Variants in PARD3 observed in about 807,000 individuals in gnomAD.
PARD3 encodes the protein partitioning defective 3 homolog.
A neutral mutation model predicts 155.4 loss-of-function variants in PARD3; 75 were observed. The observed-to-expected ratio is 0.48, with a 90% confidence interval of 0.40 to 0.58. The LOEUF (loss-of-function observed/expected upper bound fraction) is 0.58. PARD3 is among the 20% of genes least tolerant of loss of function. The pLI, the probability that PARD3 is intolerant of heterozygous loss-of-function variation, is 0.00. For missense variants in PARD3, 1,642 were observed against 1,721.7 expected (o/e 0.95, Z 0.82); for synonymous variants, 576 against 610.5 (o/e 0.94, Z 0.83).
chr10:34,762,292 G>GAGAGAC (rs780683759), intron 1 of PARD3, among the ~76,000 whole-genome samples: 45 of 75,836 alleles, frequency 5.9e-4, no homozygotes, highest in Non-Finnish European at 1.2e-3. Context: ...CAGAGAGACA[G>GAGAGAC]AGAGAGAGAG....
At chr10:34,305,586 C>T (rs1957365759) in intron 20 of PARD3, among the ~76,000 whole-genome samples, 1 of 152,244 alleles carries the variant, frequency 6.6e-6, no homozygotes, top group African/African-American at 2.4e-5. Flanking sequence ...TATCACCACT[C>T]AACTATACAA....
intron 2 of PARD3, among the ~76,000 whole-genome samples, chr10:34,679,683 T>C (rs1343391828): frequency 2.6e-5 from 4 of 152,166 alleles, no homozygotes; most frequent in Non-Finnish European, 4.4e-5. Flanking sequence ...GGTGTTTTTA[T>C]ACCCTTTCAA....
At chr10:34,523,146 A>T (rs998399996) in intron 2 of PARD3, among the ~76,000 whole-genome samples, 1 of 152,206 alleles carries the variant, frequency 6.6e-6, no homozygotes, top group African/African-American at 2.4e-5. Flanking sequence ...CTCAGTCTTA[A>T]ACAGAGGGCT....
intron 2 of PARD3, among the ~76,000 whole-genome samples, chr10:34,680,912 C>T (rs1319161269): frequency 6.6e-6 from 1 of 150,414 alleles, no homozygotes; most frequent in African/African-American, 2.5e-5. Context: ...TGCAGCACAC[C>T]AGCATGGCAC....
chr10:34,552,565 T>C (rs925315668), intron 2 of PARD3, among the ~76,000 whole-genome samples: 1 of 152,000 alleles, frequency 6.6e-6, no homozygotes, highest in Non-Finnish European at 1.5e-5. Context: ...AAAAGAAAAA[T>C]TAGCCAGGCA....
At chr10:34,370,616 C>A (rs1380446716) in intron 12 of PARD3, among the ~76,000 whole-genome samples, 1 of 152,082 alleles carries the variant, frequency 6.6e-6, no homozygotes, top group African/African-American at 2.4e-5. Flanking sequence ...CTTAAAGCAT[C>A]ATTTTCCATC....
intron 2 of PARD3, among the ~76,000 whole-genome samples, chr10:34,535,586 A>C (rs1410780486): frequency 1.3e-5 from 2 of 152,138 alleles, no homozygotes; most frequent in African/African-American, 4.8e-5. Flanking sequence ...TCCCAGGCTC[A>C]AGTGATTCTC....
chr10:34,282,916 A>T (rs543964711), intron 21 of PARD3, among the ~76,000 whole-genome samples: 16 of 152,288 alleles, frequency 1.1e-4, no homozygotes, highest in African/African-American at 3.6e-4. Context: ...CCTACAAAGC[A>T]AGGTGAAATG....
chr10:34,327,515 AC>A (rs1344763786), intron 19 of PARD3, among the ~76,000 whole-genome samples: 1 of 152,140 alleles, frequency 6.6e-6, no homozygotes, highest in African/African-American at 2.4e-5. Flanking sequence ...GAGGGGCTCG[AC>A]CCAACTGACA....
chr10:34,681,919 G>A (rs1224288756), intron 2 of PARD3, among the ~76,000 whole-genome samples: 2 of 148,628 alleles, frequency 1.3e-5, no homozygotes, highest in Non-Finnish European at 3.0e-5. Context: ...CCAGCACCCC[G>A]CCAACATTTT....
In PARD3 at chr10:34,111,433, G is replaced by T; in HGVS notation, c.3798C>A (p.Tyr1266Ter). 6.2e-7 allele frequency: 1 copy of T among 1,614,194 alleles called. No individual in the cohort carries two copies. The highest frequency in any genetic ancestry group is 8.5e-7 in the Non-Finnish European group (1 of 1,180,038). Reference sequence around the variant, plus strand: ...TGGCGTTGAAGCCATGTCCTCCCAGGTAGCCGTTCCTGGAGCCTTGGTAGC... The same window carrying T: ...TGGCGTTGAAGCCATGTCCTCCCAGTTAGCCGTTCCTGGAGCCTTGGTAGC... ...YSSYQGSRNG[Y>*]LGGHGFNARV... Residue 1266 changes from tyrosine to a stop codon, truncating the protein, a stop_gained, in exon 25 of 25, where the codon TAC becomes TAA. Transcript: ENST00000374788. LOFTEE classifies it high-confidence loss of function.
At chr10:34,254,509 GGTGA>G (rs1472657072) in intron 22 of PARD3, among the ~76,000 whole-genome samples, 1 of 151,542 alleles carries the variant, frequency 6.6e-6, no homozygotes, top group African/African-American at 2.4e-5. Context: ...AGTGATGAAA[GGTGA>G]GTATTAACAT....
chr10:34,236,703 A>C (rs1410961804), intron 22 of PARD3, among the ~76,000 whole-genome samples: 1 of 152,118 alleles, frequency 6.6e-6, no homozygotes, highest in East Asian at 1.9e-4. Context: ...AATCTCTTAA[A>C]CCAATGTGAA....
chr10:34,350,045 T>C (rs1837873428), intron 14 of PARD3, among the ~76,000 whole-genome samples: 1 of 152,228 alleles, frequency 6.6e-6, no homozygotes, highest in African/African-American at 2.4e-5. Flanking sequence ...CATATTTAAT[T>C]TGCATCTCAA....
chr10:34,754,737 G>A (rs1590961760), intron 1 of PARD3, among the ~76,000 whole-genome samples: 2 of 152,320 alleles, frequency 1.3e-5, no homozygotes, highest in Admixed American at 6.5e-5. Context: ...TTCAGACTGC[G>A]TTGGATTACA....
intron 2 of PARD3, among the ~76,000 whole-genome samples, chr10:34,592,961 C>T (rs1038204999): frequency 3.9e-5 from 6 of 152,134 alleles, no homozygotes; most frequent in African/African-American, 1.4e-4. Context: ...TGCATGCCTA[C>T]CTGGGCCAGA....
chr10:34,438,434 C>T (rs992577001), intron 5 of PARD3, among the ~76,000 whole-genome samples: 1 of 152,106 alleles, frequency 6.6e-6, no homozygotes, highest in Non-Finnish European at 1.5e-5. Context: ...ATGTCTTCAT[C>T]AAGTTTTCAT....
intron 20 of PARD3, among the ~76,000 whole-genome samples, chr10:34,311,743 A>AC (rs143247648): frequency 0.078 from 11,790 of 151,368 alleles, 1,397 homozygotes; most frequent in African/African-American, 0.26. Flanking sequence ...CTACACCACC[A>AC]CCCCCCTGCC....
chr10:34,573,730 AACAAAAAC>A lies in PARD3; in HGVS notation c.223-56579_223-56572del, dbSNP rs1358729796. Among the ~76,000 whole-genome samples, 111 of 36,340 alleles carry A rather than the reference AACAAAAAC, an allele frequency of 3.1e-3. 1 individual carries two copies. Among genetic ancestry groups the A allele is most frequent in the Admixed American group, 9.4e-3 (30 of 3,178 alleles). 23.8% of individuals were successfully genotyped at this position (36,340 alleles called of 152,430 possible). A position where few individuals can be genotyped will look rare whatever the true frequency, so the allele number is the denominator to read the frequency against. On this transcript the variant is annotated intron_variant, in intron 2 of 24. Coordinates refer to ENST00000374788, the MANE Select transcript of PARD3 (RefSeq NM_001184785.2). Reference sequence around the variant, plus strand: ...TCAAAAACAAACAAACAAACAAACAAACAAAAACACACACACACACACACACACACACA... The same window carrying A: ...TCAAAAACAAACAAACAAACAAACAAACACACACACACACACACACACACA...
Sources: allele counts gnomAD v4.1 joint callset (sites outside exome capture counted in the v4.1 genomes callset), GRCh38; gene constraint gnomAD v4.1.1; transcripts MANE v1.5; gene names NCBI Gene and HGNC (gene_info 2026-07-23, HGNC 2026-07-21).